Variants in SNTG2 observed in about 807,000 individuals in gnomAD.
The protein encoded by SNTG2 is gamma-2-syntrophin.
In SNTG2, 74 loss-of-function variants were observed where a neutral mutation model predicts 70.9. That is an observed-to-expected ratio of 1.04 (90% CI 0.86 to 1.27). The LOEUF (loss-of-function observed/expected upper bound fraction) is 1.27, where lower values mean the gene tolerates loss of function less well. SNTG2 is among the 50% of genes most tolerant of loss of function. The pLI is 0.00. For missense variants in SNTG2, 717 were observed against 690.7 expected, an observed-to-expected ratio of 1.04 and a Z score of -0.43; for synonymous variants, 278 against 273.8, an observed-to-expected ratio of 1.02 and a Z score of -0.15.
At chr2:1,213,986 A>G (rs28895395) in intron 9 of SNTG2, among the ~76,000 whole-genome samples, 27,626 of 152,192 alleles carry the variant, frequency 0.18, 4,977 homozygotes, top group African/African-American at 0.47. Context: ...CAGTTCTCTG[A>G]ACACCATATA....
At chr2:1,114,852 C>A (rs1455040430) in intron 4 of SNTG2, among the ~76,000 whole-genome samples, 1 of 151,864 alleles carries the variant, frequency 6.6e-6, no homozygotes, top group African/African-American at 2.4e-5. Flanking sequence ...AGGTTTAACC[C>A]TTATAGTCCT....
At chr2:1,023,526 T>G (rs1457452665) in intron 1 of SNTG2, among the ~76,000 whole-genome samples, 3 of 152,178 alleles carry the variant, frequency 2.0e-5, no homozygotes, top group Non-Finnish European at 2.9e-5. Context: ...AACATAAGTT[T>G]TATACTTAAA....
Position 1,119,604 on chromosome 2 carries a change from T to C in SNTG2, c.326-18018T>C, listed in dbSNP as rs190047536. On this transcript the variant is annotated intron_variant, in intron 4 of 16. Transcript: ENST00000308624. ...GTAAGTTGTCTGCAGCTTAAAATAG[T>C]AGACTATAAGATATTTTACATAAGC... Among the ~76,000 whole-genome samples the C allele has an allele frequency of 1.0e-3, 147 of 146,832 alleles. 1 individual carries two copies. Among genetic ancestry groups the C allele is most frequent in the African/African-American group, 3.8e-3 (142 of 37,400 alleles).
intron 2 of SNTG2, among the ~76,000 whole-genome samples, chr2:1,084,236 G>C (rs561526370): frequency 6.6e-6 from 1 of 152,156 alleles, no homozygotes; most frequent in East Asian, 1.9e-4. Flanking sequence ...CCTTTACCTT[G>C]GAAATAAAAT....
At chr2:1,262,029 G>A (rs896679850) in intron 13 of SNTG2, among the ~76,000 whole-genome samples, 2 of 152,146 alleles carry the variant, frequency 1.3e-5, no homozygotes, top group African/African-American at 2.4e-5. Context: ...GTCCTGTTTG[G>A]ATAATATCAA....
intron 1 of SNTG2, among the ~76,000 whole-genome samples, chr2:1,038,198 A>G (rs1463619294): frequency 6.6e-6 from 1 of 152,180 alleles, no homozygotes; most frequent in Non-Finnish European, 1.5e-5. Flanking sequence ...CTCATGACCA[A>G]TTTCATACTT....
At chr2:1,123,500 TC>T (rs1667509162) in intron 4 of SNTG2, among the ~76,000 whole-genome samples, 1 of 152,184 alleles carries the variant, frequency 6.6e-6, no homozygotes, top group African/African-American at 2.4e-5. Context: ...AAACTGGACT[TC>T]CACATGTGAA....
intron 1 of SNTG2, among the ~76,000 whole-genome samples, chr2:1,074,171 G>A (rs543970618): frequency 5.3e-5 from 8 of 152,292 alleles, no homozygotes; most frequent in East Asian, 1.9e-4. Flanking sequence ...GCTGCCTCCC[G>A]GCAGCTGCAG....
chr2:1,337,427 C>A (rs1002449133), intron 16 of SNTG2, among the ~76,000 whole-genome samples: 4 of 152,086 alleles, frequency 2.6e-5, no homozygotes, highest in Non-Finnish European at 5.9e-5. Context: ...TTATTTGTAT[C>A]TTCTAATGAT....
chr2:1,209,306 T>C, intron 9 of SNTG2, 76 bp downstream of exon 9: 1 of 1,582,716 alleles, frequency 6.3e-7, no homozygotes, highest in Non-Finnish European at 8.6e-7. Context: ...GGCCGCTGGT[T>C]ACTCCAGAGC....
At chr2:1,221,465 GTCTCTCTGTCTCTC>G (rs200216031) in intron 9 of SNTG2, among the ~76,000 whole-genome samples, 393 of 20,790 alleles carry the variant, frequency 0.019, 183 homozygotes, top group East Asian at 0.15. Flanking sequence ...CTCTGTCTCT[GTCTCTCTGTCTCTC>G]TCTCTCTCTG....
chr2:1,135,827 C>A (rs1343872605), intron 4 of SNTG2, among the ~76,000 whole-genome samples: 1 of 152,192 alleles, frequency 6.6e-6, no homozygotes, highest in Non-Finnish European at 1.5e-5. Context: ...AAAATCAATG[C>A]GTCTAAATGC....
chr2:1,277,945 G>A (rs1679335728), intron 14 of SNTG2, among the ~76,000 whole-genome samples: 1 of 152,214 alleles, frequency 6.6e-6, no homozygotes, highest in South Asian at 2.1e-4. Flanking sequence ...GGAAAGGCGG[G>A]GAAGATAACG....
At chr2:1,118,490 C>G (rs530915533) in intron 4 of SNTG2, among the ~76,000 whole-genome samples, 1 of 152,170 alleles carries the variant, frequency 6.6e-6, no homozygotes, top group East Asian at 1.9e-4. Flanking sequence ...CACCCTCAGG[C>G]CCATCTGTAT....
chr2:960,033 A>G (rs1032962113), intron 1 of SNTG2, among the ~76,000 whole-genome samples: 3 of 152,176 alleles, frequency 2.0e-5, no homozygotes, highest in Admixed American at 1.3e-4. Flanking sequence ...TCATTATAAA[A>G]TGATAATTTT....
chr2:1,259,297 T>G (rs1290198909), intron 12 of SNTG2, 73 bp from the exon 13 acceptor site: 1 of 1,339,262 alleles, frequency 7.5e-7, no homozygotes, highest in Non-Finnish European at 1.1e-6. Flanking sequence ...GCAGTCACAC[T>G]ATTGTAAATT....
At chr2:1,246,656 G>A (rs527333589) in intron 11 of SNTG2, among the ~76,000 whole-genome samples, 14 of 152,294 alleles carry the variant, frequency 9.2e-5, no homozygotes, top group African/African-American at 2.6e-4. Flanking sequence ...GAATTATAAT[G>A]AAATTACTCC....
At chr2:1,038,256 A>T (rs934988712) in intron 1 of SNTG2, among the ~76,000 whole-genome samples, 7 of 152,178 alleles carry the variant, frequency 4.6e-5, no homozygotes, top group African/African-American at 9.7e-5. Flanking sequence ...TAAGGAAGAT[A>T]TCTGTGTATT....
At chr2:1,083,803 C>G in intron 2 of SNTG2, 148 bp downstream of exon 2, 1 of 864,834 alleles carries the variant, frequency 1.2e-6, no homozygotes, top group Non-Finnish European at 1.8e-6. Context: ...CACTGTGTCA[C>G]AAAATACAGT....
Sources: allele counts gnomAD v4.1 joint callset (sites outside exome capture counted in the v4.1 genomes callset), GRCh38; gene constraint gnomAD v4.1.1; transcripts MANE v1.5; gene names NCBI Gene and HGNC (gene_info 2026-07-23, HGNC 2026-07-21).